The following FRMD4B variants were observed in gnomAD, a reference collection of about 807,000 sequenced individuals.
The protein encoded by FRMD4B is FERM domain containing 4B.
A neutral mutation model predicts 141.5 loss-of-function variants in FRMD4B; 74 were observed. The ratio of observed to expected loss-of-function variants is 0.52; its 90% CI spans 0.43 to 0.63. FRMD4B has a LOEUF of 0.63. Ranked by LOEUF, FRMD4B falls within the 30% of genes least tolerant of loss-of-function variation. The pLI, the probability that FRMD4B is intolerant of heterozygous loss-of-function variation, is 0.00. For synonymous variants in FRMD4B, 506 were observed against 467.9 expected, an observed-to-expected ratio of 1.08 and a Z score of -1.05; for missense variants, 1,366 against 1,253.4, an observed-to-expected ratio of 1.09 and a Z score of -1.36.
At chr3:69,243,078 T>C (rs1338314495) in intron 7 of FRMD4B, among the ~76,000 whole-genome samples, 1 of 151,820 alleles carries the variant, frequency 6.6e-6, no homozygotes, top group Non-Finnish European at 1.5e-5. Flanking sequence ...CCTTGCCGTG[T>C]CAGCTTTCAG....
chr3:69,201,615 A>G (rs1041999876), intron 11 of FRMD4B, among the ~76,000 whole-genome samples: 15 of 152,118 alleles, frequency 9.9e-5, no homozygotes, highest in Non-Finnish European at 1.8e-4. Flanking sequence ...GTGGTACTTT[A>G]TCTAGCTGGC....
At chr3:69,315,993 A>T (rs1467791649) in intron 1 of FRMD4B, among the ~76,000 whole-genome samples, 9 of 152,140 alleles carry the variant, frequency 5.9e-5, no homozygotes, top group African/African-American at 1.9e-4. Flanking sequence ...CGGCACAGTT[A>T]CCTTCTGGGA....
chr3:69,351,336 T>C (rs1703143020), intron 1 of FRMD4B, among the ~76,000 whole-genome samples: 1 of 152,202 alleles, frequency 6.6e-6, no homozygotes, highest in Admixed American at 6.5e-5. Flanking sequence ...CAAACGTAAG[T>C]CTCATACTTG....
chr3:69,523,834 A>G (rs1700891254), intron 1 of FRMD4B, among the ~76,000 whole-genome samples: 2 of 152,242 alleles, frequency 1.3e-5, no homozygotes, highest in Non-Finnish European at 2.9e-5. Flanking sequence ...CAATGAAGAC[A>G]TTCAGTTCCT....
At chr3:69,270,947 T>C (rs926810947) in intron 5 of FRMD4B, among the ~76,000 whole-genome samples, 2 of 152,224 alleles carry the variant, frequency 1.3e-5, no homozygotes, top group Non-Finnish European at 2.9e-5. Flanking sequence ...TTATGAAACA[T>C]TTTCATTCAC....
intron 1 of FRMD4B, chr3:69,472,518 A>C: frequency 3.5e-6 from 1 of 289,228 alleles, no homozygotes; most frequent in Non-Finnish European, 7.0e-6. Flanking sequence ...CTTGACATTC[A>C]AAACTGATGC....
chr3:69,424,780 A>G (rs1045055545), intron 2 of FRMD4B, among the ~76,000 whole-genome samples: 4 of 152,244 alleles, frequency 2.6e-5, no homozygotes, highest in African/African-American at 9.6e-5. Flanking sequence ...TTCTTTAAAA[A>G]TTCAAAGATG....
chr3:69,341,945 C>T (rs750934834), intron 1 of FRMD4B, among the ~76,000 whole-genome samples: 1 of 152,144 alleles, frequency 6.6e-6, no homozygotes, highest in Non-Finnish European at 1.5e-5. Flanking sequence ...TGTAGCAGCA[C>T]AAAATGGACT....
At chr3:69,485,740 G>A (rs1706204418) in intron 1 of FRMD4B, among the ~76,000 whole-genome samples, 1 of 152,222 alleles carries the variant, frequency 6.6e-6, no homozygotes. Context: ...CTCCCCTTTG[G>A]CCCTGGTGCT....
intron 1 of FRMD4B, among the ~76,000 whole-genome samples, chr3:69,452,127 A>G (rs1399224330): frequency 1.3e-5 from 2 of 152,274 alleles, no homozygotes; most frequent in Non-Finnish European, 2.9e-5. Context: ...TTATTCCTTC[A>G]TATGTTCACC....
intron 7 of FRMD4B, among the ~76,000 whole-genome samples, chr3:69,245,925 C>A (rs1341238898): frequency 1.4e-5 from 2 of 147,566 alleles, no homozygotes; most frequent in African/African-American, 5.0e-5. Flanking sequence ...ACAACCTCTG[C>A]CTCCTGGGTT....
chr3:69,314,704 A>G (rs1701746947), intron 1 of FRMD4B, among the ~76,000 whole-genome samples: 1 of 152,010 alleles, frequency 6.6e-6, no homozygotes, highest in South Asian at 2.1e-4. Context: ...GCATGGTGGT[A>G]TGTGCCTGTA....
intron 2 of FRMD4B, among the ~76,000 whole-genome samples, chr3:69,407,413 C>T (rs1011717176): frequency 3.9e-5 from 6 of 152,122 alleles, no homozygotes; most frequent in African/African-American, 9.7e-5. Flanking sequence ...TGTAATCACT[C>T]TACTATTTAA....
At chr3:69,392,860 T>C (rs1462195276) in intron 2 of FRMD4B, among the ~76,000 whole-genome samples, 1 of 152,142 alleles carries the variant, frequency 6.6e-6, no homozygotes, top group African/African-American at 2.4e-5. Flanking sequence ...TCTGTTTCAA[T>C]GCCACTCGAG....
intron 1 of FRMD4B, among the ~76,000 whole-genome samples, chr3:69,332,437 C>A (rs6776474): frequency 1.3e-5 from 2 of 152,026 alleles, no homozygotes; most frequent in East Asian, 1.9e-4. Context: ...AGGGCACATG[C>A]CTTGCCTGAA....
chr3:69,541,754 G>C (rs6762368), intron 1 of FRMD4B, among the ~76,000 whole-genome samples: 73,715 of 150,974 alleles, frequency 0.49, 18,741 homozygotes, highest in African/African-American at 0.6. Context: ...GCAGCCAAAC[G>C]AAACCCTTAG....
chr3:69,454,459 A>G (rs1172348388), intron 1 of FRMD4B, among the ~76,000 whole-genome samples: 7 of 152,174 alleles, frequency 4.6e-5, no homozygotes, highest in Admixed American at 6.5e-5. Flanking sequence ...AGTGGGAACC[A>G]GGGCTGTGCG....
At chr3:69,236,859 G>C (rs1031775338) in intron 7 of FRMD4B, among the ~76,000 whole-genome samples, 1 of 152,202 alleles carries the variant, frequency 6.6e-6, no homozygotes, top group Non-Finnish European at 1.5e-5. Flanking sequence ...TAGAGCTCAA[G>C]TTCACTCAAT....
chr3:69,296,080 G>T (rs1162509056), intron 4 of FRMD4B, among the ~76,000 whole-genome samples: 2 of 152,148 alleles, frequency 1.3e-5, no homozygotes, highest in African/African-American at 2.4e-5. Flanking sequence ...CTCCCAAAGT[G>T]CTGAGATTAC....
Sources: allele counts gnomAD v4.1 joint callset (sites outside exome capture counted in the v4.1 genomes callset), GRCh38; gene constraint gnomAD v4.1.1; transcripts MANE v1.5; gene names NCBI Gene and HGNC (gene_info 2026-07-23, HGNC 2026-07-21).